Variants in PTDSS1 observed in about 807,000 individuals in gnomAD.
PTDSS1 encodes the protein PSS-1.
A neutral mutation model predicts 70.5 loss-of-function variants in PTDSS1; 45 were observed. The ratio of observed to expected loss-of-function variants is 0.64; its 90% CI spans 0.50 to 0.82. PTDSS1 has a LOEUF of 0.82. Among genes scored for constraint, PTDSS1 ranks in the 40% least tolerant of loss-of-function variants. The pLI is 0.00. For synonymous variants in PTDSS1, 188 were observed against 203.8 expected (o/e 0.92, Z 0.66); for missense variants, 417 against 586.1 (o/e 0.71, Z 2.98).
At chr8:96,304,372 G>A (rs374497973) in intron 7 of PTDSS1, among the ~76,000 whole-genome samples, 191 bp downstream of exon 7, 22 of 152,288 alleles carry the variant, frequency 1.4e-4, no homozygotes, top group African/African-American at 5.3e-4. Flanking sequence ...GCCTCATTTT[G>A]AAGACAGTTT....
At chr8:96,305,523 G>T (rs1405077128) in intron 7 of PTDSS1, among the ~76,000 whole-genome samples, 1 of 152,148 alleles carries the variant, frequency 6.6e-6, no homozygotes, top group Non-Finnish European at 1.5e-5. Flanking sequence ...ACTGCATGAG[G>T]ATGCTAACCT....
At position 96,264,731 on chromosome 8, in the gene PTDSS1, C is replaced by T. The variant is rs1810463185; in HGVS notation, c.179+2512C>T. ...AAAAAGTCACAATCTTCTGAAATTTCCTTTTACATCATATTCTGTCAAGGC... is the reference window on the plus strand; with the variant it reads ...AAAAAGTCACAATCTTCTGAAATTTTCTTTTACATCATATTCTGTCAAGGC... On this transcript the variant is annotated intron_variant, in intron 1 of 12. Transcript: ENST00000517309. 1.3e-5 allele frequency among the ~76,000 whole-genome samples: 2 copies of T among 152,118 alleles called. 1 individual carries two copies. The highest frequency in any genetic ancestry group is 4.1e-4 in the South Asian group (2 of 4,832).
chr8:96,331,090 C>T lies in PTDSS1; in HGVS notation c.1307C>T (p.Thr436Ile). 6.3e-7 allele frequency: 1 copy of T among 1,592,626 alleles called. No individual in the cohort carries two copies. Among genetic ancestry groups the T allele is most frequent in the Non-Finnish European group, 8.6e-7 (1 of 1,165,782 alleles). The change falls in exon 12 of 13, where the codon ACA becomes ATA. Residue 436 changes from threonine to isoleucine, a missense_variant. This residue lies in a region of PTDSS1 where 107 missense variants were observed against 122.3 expected (regional missense o/e 0.88). Transcript: ENST00000517309. ...PEISWHHRKGTKGSEDSPPKH... is the reference protein window; with the variant it reads ...PEISWHHRKGIKGSEDSPPKH... Reference sequence around the variant, plus strand: ...ATCTCCTGGCATCACAGGAAAGGGACAAAAGGTATCTTGTTCTTGTTCGTT... The same window carrying T: ...ATCTCCTGGCATCACAGGAAAGGGATAAAAGGTATCTTGTTCTTGTTCGTT...
intron 6 of PTDSS1, among the ~76,000 whole-genome samples, chr8:96,303,363 G>A (rs566742035): frequency 2.0e-5 from 3 of 152,280 alleles, no homozygotes; most frequent in African/African-American, 7.2e-5. Flanking sequence ...AGAACGGAAG[G>A]CCTGACTGGT....
At chr8:96,273,251 C>A (rs1810591649) in intron 1 of PTDSS1, 48 bp from the exon 2 acceptor site, 1 of 1,389,304 alleles carries the variant, frequency 7.2e-7, no homozygotes, top group East Asian at 2.3e-5. Context: ...TCTAGGTTTT[C>A]TATTTGGATC....
At chr8:96,283,209 A>T (rs1430871313) in intron 2 of PTDSS1, among the ~76,000 whole-genome samples, 1 of 152,204 alleles carries the variant, frequency 6.6e-6, no homozygotes. Context: ...CCCTACCTGT[A>T]AAGAAGGCTG....
chr8:96,295,935 C>G (rs931635583), intron 5 of PTDSS1, among the ~76,000 whole-genome samples: 39 of 152,076 alleles, frequency 2.6e-4, no homozygotes, highest in African/African-American at 9.2e-4. Context: ...GTGCCTCTCA[C>G]TGTTCTGGAG....
intron 2 of PTDSS1, among the ~76,000 whole-genome samples, chr8:96,279,602 T>C (rs2130031047): frequency 6.6e-6 from 1 of 151,950 alleles, no homozygotes; most frequent in Admixed American, 6.6e-5. Context: ...GTGGATCACT[T>C]GAGGTCAGGA....
At position 96,281,007 on chromosome 8, in the gene PTDSS1, C is replaced by T. The variant is rs560520099; in HGVS notation, c.272-3102C>T. On this transcript the variant is annotated intron_variant, in intron 2 of 12. Coordinates refer to ENST00000517309, the MANE Select transcript of PTDSS1 (RefSeq NM_014754.3). ...AGGATGCTACAGATGGGGCTCATGC[C>T]GGGCAGGTGATGCTGTGGAATGCGG... 1.1e-4 allele frequency among the ~76,000 whole-genome samples: 17 copies of T among 152,210 alleles called. No individual in the cohort carries two copies. The East Asian group carries it at 1.9e-3, about 17-fold the overall frequency.
intron 9 of PTDSS1, among the ~76,000 whole-genome samples, chr8:96,315,937 A>T (rs902808520): frequency 5.3e-5 from 8 of 152,188 alleles, no homozygotes; most frequent in African/African-American, 1.9e-4. Context: ...AGGAGGAGGT[A>T]TGTGTTCTCA....
At position 96,261,932 on chromosome 8, in the gene PTDSS1, G is replaced by C; in HGVS notation, c.-109G>C. On this transcript the variant is annotated 5_prime_UTR_variant, in exon 1 of 13. Coordinates refer to ENST00000517309, the MANE Select transcript of PTDSS1 (RefSeq NM_014754.3). ...TGCTCCCAGCCTTTGCTGGGCGCCAGACCCGGCTTTGCCGTCCGGCTATTA... is the reference window on the plus strand; with the variant it reads ...TGCTCCCAGCCTTTGCTGGGCGCCACACCCGGCTTTGCCGTCCGGCTATTA... The C allele has an allele frequency of 1.6e-6, 2 of 1,216,656 alleles. No homozygotes were observed. Among genetic ancestry groups the C allele is most frequent in the Non-Finnish European group, 2.3e-6 (2 of 885,188 alleles). 75.4% of individuals were successfully genotyped at this position (1,216,656 alleles called of 1,614,324 possible).
chr8:96,315,962 A>C (rs1033707126), intron 9 of PTDSS1, among the ~76,000 whole-genome samples: 21 of 152,324 alleles, frequency 1.4e-4, no homozygotes, highest in Admixed American at 1.1e-3. Context: ...GGCAGGCTTA[A>C]TACAGGCTCC....
At position 96,310,453 on chromosome 8, in the gene PTDSS1, C is replaced by T. The variant is rs372851714; in HGVS notation, c.1073+831C>T. Among the ~76,000 whole-genome samples, 7 of 151,816 alleles carry T rather than the reference C, an allele frequency of 4.6e-5. No homozygotes were observed. In the South Asian group the frequency reaches 6.3e-4, roughly 14 times the overall value. On this transcript the variant is annotated intron_variant, in intron 9 of 12. Transcript: ENST00000517309. ...CTGGGATTACAGGCATGAGCCACCG[C>T]ACCCGGCCTTGGCTCTCTTTTTTTT...
intron 1 of PTDSS1, among the ~76,000 whole-genome samples, chr8:96,271,868 T>C (rs1810571987): frequency 1.3e-5 from 2 of 152,286 alleles, no homozygotes; most frequent in South Asian, 2.1e-4. Flanking sequence ...CGTTTTTCAA[T>C]AAGGTAGACT....
intron 10 of PTDSS1, among the ~76,000 whole-genome samples, chr8:96,325,027 T>C (rs1200247665): frequency 6.6e-6 from 1 of 152,206 alleles, no homozygotes; most frequent in Non-Finnish European, 1.5e-5. Flanking sequence ...CCTGGGGCTC[T>C]AGCCACACAG....
At chr8:96,264,821 T>C (rs1207495614) in intron 1 of PTDSS1, among the ~76,000 whole-genome samples, 1 of 152,180 alleles carries the variant, frequency 6.6e-6, no homozygotes, top group Non-Finnish European at 1.5e-5. Flanking sequence ...TTGTCCAAAA[T>C]AATAGAAGAA....
chr8:96,288,238 C>T (rs1022274372), intron 4 of PTDSS1, among the ~76,000 whole-genome samples: 2 of 152,102 alleles, frequency 1.3e-5, no homozygotes, highest in Non-Finnish European at 2.9e-5. Flanking sequence ...TGTTGGGGTA[C>T]ACCACCCTCC....
intron 9 of PTDSS1, among the ~76,000 whole-genome samples, chr8:96,311,524 C>A (rs1811211596): frequency 6.6e-6 from 1 of 152,162 alleles, no homozygotes; most frequent in Admixed American, 6.5e-5. Context: ...TCATTCCTTT[C>A]CATTTTTCTG....
intron 5 of PTDSS1, among the ~76,000 whole-genome samples, chr8:96,297,835 A>G (rs1586196067): frequency 6.6e-6 from 1 of 152,360 alleles, no homozygotes; most frequent in East Asian, 1.9e-4. Flanking sequence ...TTGTGCCTCA[A>G]GAGGGCAGGG....
Sources: gnomAD v4.1 joint callset for allele counts (sites outside exome capture counted in the v4.1 genomes callset) on GRCh38, gnomAD v4.1.1 for gene constraint, gnomAD v4.1.1 regional missense constraint, MANE v1.5 for transcripts, NCBI Gene and HGNC (gene_info 2026-07-23, HGNC 2026-07-21) for gene names.